The following LRP1B variants were observed in gnomAD, a reference collection of about 807,000 sequenced individuals.
LRP1B encodes the protein low-density lipoprotein receptor-related protein 1B.
In LRP1B, 217 loss-of-function variants were observed where a neutral mutation model predicts 556.6. The observed-to-expected ratio is 0.39, with a 90% CI of 0.35 to 0.44. LRP1B has a LOEUF of 0.44. LRP1B is among the 20% of genes least tolerant of loss of function. The pLI, the probability that LRP1B is intolerant of heterozygous loss-of-function variation, is 1.00. For synonymous variants in LRP1B, 2,047 were observed against 1,865.8 expected (o/e 1.10, Z -2.50); for missense variants, 5,053 against 5,620.8 (o/e 0.90, Z 3.23).
Position 141,890,378 on chromosome 2 carries a change from G to GTA in LRP1B, c.83-79979_83-79978dup, listed in dbSNP as rs368894103. ...TATTGTGCATATATATATATAGTGT[G>GTA]TATACATATATAGTGTATATATATA... On this transcript the variant is annotated intron_variant, in intron 1 of 90. Coordinates refer to ENST00000389484, the MANE Select transcript of LRP1B (RefSeq NM_018557.3). Among the ~76,000 whole-genome samples the GTA allele has an allele frequency of 1.8e-3, 231 of 125,428 alleles. 2 individuals are homozygous for GTA. The highest frequency in any genetic ancestry group is 7.9e-3 in the African/African-American group (209 of 26,376). The allele number at this position is 125,428 out of a possible 152,430, so 82.3% of individuals were successfully genotyped here.
At chr2:140,519,121 A>G (rs1690043883) in intron 49 of LRP1B, among the ~76,000 whole-genome samples, 1 of 152,186 alleles carries the variant, frequency 6.6e-6, no homozygotes, top group African/African-American at 2.4e-5. Context: ...GTTAAAGTCC[A>G]TATGGAACCA....
chr2:140,799,530 C>A (rs1471855061), intron 32 of LRP1B, among the ~76,000 whole-genome samples: 1 of 152,160 alleles, frequency 6.6e-6, no homozygotes, highest in East Asian at 1.9e-4. Context: ...TAACACAATT[C>A]CATTTTTAAT....
At chr2:141,419,526 T>C (rs1303740218) in intron 3 of LRP1B, among the ~76,000 whole-genome samples, 1 of 152,146 alleles carries the variant, frequency 6.6e-6, no homozygotes, top group Non-Finnish European at 1.5e-5. Context: ...CTAATAGGAA[T>C]TTATCCAGCT....
intron 87 of LRP1B, among the ~76,000 whole-genome samples, chr2:140,242,054 G>T (rs1006736744): frequency 2.6e-5 from 4 of 150,978 alleles, no homozygotes; most frequent in Non-Finnish European, 4.5e-5. Flanking sequence ...TAAGTGCTGT[G>T]TTGAAGAGCC....
At chr2:141,659,545 G>A (rs1429010286) in intron 2 of LRP1B, among the ~76,000 whole-genome samples, 1 of 152,078 alleles carries the variant, frequency 6.6e-6, no homozygotes, top group Non-Finnish European at 1.5e-5. Context: ...CCAAGCAGAT[G>A]ATACTGGTGG....
rs553571483 is a variant in LRP1B at position 141,429,476 on chromosome 2, T to C, written c.343+50920A>G. Among the ~76,000 whole-genome samples, 3 of 152,226 alleles carry C rather than the reference T, an allele frequency of 2.0e-5. No individual in the cohort carries two copies. The South Asian group carries it at 6.2e-4, about 32-fold the overall frequency. ...ATTTTGTCTTGGTTAAGGAAAACTG[T>C]TTTTATTTTTTTCCAGCTTTTAAGT... is the stretch of plus-strand genomic sequence containing the variant. On this transcript the variant is annotated intron_variant, in intron 3 of 90. Transcript: ENST00000389484.
At chr2:141,321,574 A>G (rs1000747045) in intron 3 of LRP1B, among the ~76,000 whole-genome samples, 1 of 152,150 alleles carries the variant, frequency 6.6e-6, no homozygotes, top group East Asian at 1.9e-4. Flanking sequence ...CTTTGGAAAT[A>G]CAATGCCCTG....
chr2:142,004,203 A>G (rs753288119), intron 1 of LRP1B, among the ~76,000 whole-genome samples: 45 of 152,186 alleles, frequency 3.0e-4, no homozygotes, highest in Non-Finnish European at 6.2e-4. Context: ...AAATAGGGTG[A>G]AACAGAAGCA....
intron 7 of LRP1B, among the ~76,000 whole-genome samples, chr2:141,132,281 T>TTCTTGCCATAGTTGTGTTATTGC (rs1701377868): frequency 6.6e-6 from 1 of 152,002 alleles, no homozygotes; most frequent in Non-Finnish European, 1.5e-5. Flanking sequence ...CTTGGTCTTG[T>TTCTTGCCATAGTTGTGTTATTGC]TCTTGCCATA....
chr2:141,983,333 G>A (rs972528689), intron 1 of LRP1B, among the ~76,000 whole-genome samples: 31 of 152,032 alleles, frequency 2.0e-4, no homozygotes, highest in African/African-American at 7.2e-4. Flanking sequence ...TCCTGTTGTC[G>A]TTACTATTTT....
chr2:140,895,468 G>A (rs930296218), intron 23 of LRP1B, among the ~76,000 whole-genome samples: 15 of 151,852 alleles, frequency 9.9e-5, no homozygotes, highest in Non-Finnish European at 2.2e-4. Flanking sequence ...AGGCAGGTGA[G>A]TGCTCGCAGG....
At chr2:141,019,018 CAAT>C (rs972062708) in intron 12 of LRP1B, among the ~76,000 whole-genome samples, 57 of 151,856 alleles carry the variant, frequency 3.8e-4, no homozygotes, top group African/African-American at 1.3e-3. Flanking sequence ...TGTCTTGAAA[CAAT>C]AATATGTAAG....
At chr2:140,565,334 T>C (rs1426239571) in intron 43 of LRP1B, among the ~76,000 whole-genome samples, 2 of 151,848 alleles carry the variant, frequency 1.3e-5, no homozygotes, top group Non-Finnish European at 2.9e-5. Flanking sequence ...CCACAGCATA[T>C]TTTAACCCAT....
chr2:141,454,878 G>T (rs1292603676), intron 3 of LRP1B, among the ~76,000 whole-genome samples: 1 of 152,106 alleles, frequency 6.6e-6, no homozygotes, highest in Non-Finnish European at 1.5e-5. Flanking sequence ...CATTACTGAG[G>T]AATACTCTCC....
intron 41 of LRP1B, among the ~76,000 whole-genome samples, chr2:140,616,821 C>T (rs1432055521): frequency 6.6e-6 from 1 of 151,796 alleles, no homozygotes; most frequent in Non-Finnish European, 1.5e-5. Context: ...ATTCTTTTAT[C>T]CTTTGTTTAC....
intron 12 of LRP1B, among the ~76,000 whole-genome samples, chr2:141,019,135 C>T (rs1053394730): frequency 6.6e-6 from 1 of 151,964 alleles, no homozygotes; most frequent in Admixed American, 6.6e-5. Context: ...TTTGATATTT[C>T]TATAAGTACA....
chr2:140,702,346 G>C (rs1179800867), intron 38 of LRP1B, 54 bp from the exon 39 acceptor site: 1 of 1,603,740 alleles, frequency 6.2e-7, no homozygotes, highest in Middle Eastern at 1.7e-4. Flanking sequence ...GTTTTATTAA[G>C]AAAATAAAGG....
chr2:140,554,609 T>C (rs986757506), intron 43 of LRP1B, among the ~76,000 whole-genome samples: 8 of 152,060 alleles, frequency 5.3e-5, no homozygotes, highest in Non-Finnish European at 2.9e-5. Flanking sequence ...TTGTATACAT[T>C]CATTAGAACA....
intron 1 of LRP1B, among the ~76,000 whole-genome samples, chr2:141,908,410 G>A: frequency 6.6e-6 from 1 of 151,966 alleles, no homozygotes; most frequent in East Asian, 1.9e-4. Flanking sequence ...CACAGCAACA[G>A]ATAAGACAGG....
Sources: gnomAD v4.1 joint callset for allele counts (sites outside exome capture counted in the v4.1 genomes callset) on GRCh38, gnomAD v4.1.1 for gene constraint, MANE v1.5 for transcripts, NCBI Gene and HGNC (gene_info 2026-07-23, HGNC 2026-07-21) for gene names.